GLIS3: variants seen among roughly 807,000 people sequenced by gnomAD.
GLIS3 encodes the protein zinc finger protein GLIS3.
A neutral mutation model predicts 78.6 loss-of-function variants in GLIS3; 53 were observed. The observed-to-expected ratio is 0.67, with a 90% CI of 0.54 to 0.85. The LOEUF (loss-of-function observed/expected upper bound fraction) is 0.85. Among genes scored for constraint, GLIS3 ranks in the 40% least tolerant of loss-of-function variants. GLIS3 has a pLI of 0.00. For synonymous variants in GLIS3, 684 were observed against 509.9 expected, an observed-to-expected ratio of 1.34 and a Z score of -4.60; for missense variants, 1,703 against 1,231.1, an observed-to-expected ratio of 1.38 and a Z score of -5.74.
intron 6 of GLIS3, among the ~76,000 whole-genome samples, chr9:3,918,561 G>C (rs1824668947): frequency 6.6e-6 from 1 of 152,058 alleles, no homozygotes; most frequent in African/African-American, 2.4e-5. Flanking sequence ...ATGATACTCT[G>C]GCTATCACTA....
chr9:3,983,090 C>T (rs563863258), intron 4 of GLIS3, among the ~76,000 whole-genome samples: 1 of 152,292 alleles, frequency 6.6e-6, no homozygotes, highest in East Asian at 1.9e-4. Flanking sequence ...CCCATAACTC[C>T]AATGTGTCAG....
At chr9:4,206,873 T>C (rs1309935213) in intron 2 of GLIS3, among the ~76,000 whole-genome samples, 1 of 152,128 alleles carries the variant, frequency 6.6e-6, no homozygotes, top group East Asian at 1.9e-4. Context: ...TCAGTGTAGA[T>C]ACTTGGCATA....
At chr9:4,314,032 G>A (rs1817403570) in intron 2 of GLIS3, among the ~76,000 whole-genome samples, 1 of 152,188 alleles carries the variant, frequency 6.6e-6, no homozygotes, top group African/African-American at 2.4e-5. Context: ...TAGCCATATT[G>A]CCTGAGTTTA....
At chr9:4,352,168 C>T (rs1817979754), upstream of GLIS3, among the ~76,000 whole-genome samples, 1 of 152,200 alleles carries the variant, frequency 6.6e-6, no homozygotes, top group Non-Finnish European at 1.5e-5. Context: ...GTCTCCTTTA[C>T]ATAAAAAAAT....
intron 4 of GLIS3, among the ~76,000 whole-genome samples, chr9:4,076,032 T>A (rs990327534): frequency 2.6e-5 from 4 of 152,228 alleles, no homozygotes; most frequent in Non-Finnish European, 5.9e-5. Flanking sequence ...AAATGTTCCA[T>A]ATATTGACTG....
chr9:3,930,997 TATTA>T (rs1029365767), intron 6 of GLIS3, among the ~76,000 whole-genome samples: 8 of 152,294 alleles, frequency 5.3e-5, no homozygotes, highest in African/African-American at 1.9e-4. Flanking sequence ...TTATTTACAT[TATTA>T]ATTAACTTAG....
At chr9:3,911,595 T>A (rs1269234876) in intron 6 of GLIS3, among the ~76,000 whole-genome samples, 1 of 152,208 alleles carries the variant, frequency 6.6e-6, no homozygotes, top group Non-Finnish European at 1.5e-5. Flanking sequence ...CTATCCACAA[T>A]ATGGATCATA....
At chr9:4,402,911 A>G in the GLIS3 span, among the ~76,000 whole-genome samples, 1 of 152,206 alleles carries the variant, frequency 6.6e-6, no homozygotes, top group African/African-American at 2.4e-5. Context: ...CAAAGGGATA[A>G]TAACAGAGAA....
chr9:4,345,083 C>T (rs1817881079), intron 2 of GLIS3, among the ~76,000 whole-genome samples: 1 of 152,156 alleles, frequency 6.6e-6, no homozygotes, highest in Non-Finnish European at 1.5e-5. Flanking sequence ...AATCAGATCA[C>T]TCCTCTATTC....
intron 8 of GLIS3, among the ~76,000 whole-genome samples, chr9:3,859,200 G>A (rs774612302): frequency 6.6e-6 from 1 of 152,112 alleles, no homozygotes; most frequent in African/African-American, 2.4e-5. Flanking sequence ...TTTATTTGGT[G>A]CAAAAGCAAA....
chr9:4,445,824 C>G, the GLIS3 span, among the ~76,000 whole-genome samples: 1 of 152,092 alleles, frequency 6.6e-6, no homozygotes, highest in Non-Finnish European at 1.5e-5. Context: ...AAAAGAGATG[C>G]TGGCTGCCAG....
At chr9:4,280,380 C>T (rs1375620801) in intron 2 of GLIS3, among the ~76,000 whole-genome samples, 2 of 152,104 alleles carry the variant, frequency 1.3e-5, no homozygotes, top group African/African-American at 4.8e-5. Flanking sequence ...AATTAACTTT[C>T]TTGGTTATGA....
At chr9:3,978,873 A>AT in intron 4 of GLIS3, among the ~76,000 whole-genome samples, 1 of 152,230 alleles carries the variant, frequency 6.6e-6, no homozygotes, top group South Asian at 2.1e-4. Context: ...GATTAGAAAT[A>AT]TTTTTTAAAA....
At chr9:4,224,463 G>C (rs1821594810) in intron 2 of GLIS3, among the ~76,000 whole-genome samples, 1 of 152,086 alleles carries the variant, frequency 6.6e-6, no homozygotes, top group South Asian at 2.1e-4. Flanking sequence ...GGACTCCCTG[G>C]GAAAATCACT....
chr9:4,021,871 C>G (rs1438987336), intron 4 of GLIS3, among the ~76,000 whole-genome samples: 1 of 152,188 alleles, frequency 6.6e-6, no homozygotes, highest in Non-Finnish European at 1.5e-5. Context: ...CACAACATAT[C>G]TCTAACATTT....
intron 2 of GLIS3, among the ~76,000 whole-genome samples, chr9:4,219,661 T>A (rs1010311757): frequency 6.6e-6 from 1 of 152,164 alleles, no homozygotes; most frequent in African/African-American, 2.4e-5. Flanking sequence ...GTTAAGGCGG[T>A]CACTATTCTG....
chr9:4,022,772 G>A (rs1822995014), intron 4 of GLIS3, among the ~76,000 whole-genome samples: 1 of 152,152 alleles, frequency 6.6e-6, no homozygotes, highest in African/African-American at 2.4e-5. Context: ...GCAACAACAT[G>A]GATGAATATC....
At chr9:4,147,038 C>G (rs1834275256) in intron 2 of GLIS3, among the ~76,000 whole-genome samples, 2 of 152,118 alleles carry the variant, frequency 1.3e-5, no homozygotes, top group African/African-American at 4.8e-5. Flanking sequence ...TTCTAGCCAC[C>G]CTGACCTAGC....
the GLIS3 span, among the ~76,000 whole-genome samples, chr9:4,442,621 T>C: frequency 6.6e-6 from 1 of 151,964 alleles, no homozygotes; most frequent in African/African-American, 2.4e-5. Context: ...ATTTTATGCC[T>C]CCTTTTTTCT....
Sources: allele counts gnomAD v4.1 joint callset (sites outside exome capture counted in the v4.1 genomes callset), GRCh38; gene constraint gnomAD v4.1.1; transcripts MANE v1.5; gene names NCBI Gene and HGNC (gene_info 2026-07-23, HGNC 2026-07-21).